KDM4B: variants seen among roughly 807,000 people sequenced by gnomAD.
KDM4B encodes lysine demethylase 4B, also known as lysine-specific demethylase 4B.
In KDM4B, 32 loss-of-function variants were observed where a neutral mutation model predicts 125.2. The ratio of observed to expected loss-of-function variants is 0.26; its 90% CI spans 0.19 to 0.34. KDM4B has a LOEUF of 0.34. KDM4B is among the 10% of genes least tolerant of loss of function. The probability of loss-of-function intolerance (pLI) is 1.00; values close to 1 mark genes in which losing one functional copy is unlikely to be tolerated. For synonymous variants in KDM4B, 721 were observed against 677.9 expected (o/e 1.06, Z -0.99); for missense variants, 1,190 against 1,577.7 (o/e 0.75, Z 4.16).
chr19:5,069,654 C>T (rs1472693969), intron 6 of KDM4B, among the ~76,000 whole-genome samples: 1 of 152,086 alleles, frequency 6.6e-6, no homozygotes, highest in African/African-American at 2.4e-5. Flanking sequence ...CACTCTCTCG[C>T]CCAGGCTGGA....
At chr19:5,039,738 G>A in intron 3 of KDM4B, 98 bp from the exon 4 acceptor site, 1 of 1,366,602 alleles carries the variant, frequency 7.3e-7, no homozygotes, top group South Asian at 1.3e-5. Context: ...TGCAGATCTT[G>A]GGGGGTGCTG....
At chr19:5,039,724 G>A (rs368253544) in intron 3 of KDM4B, 112 bp from the exon 4 acceptor site, 24 of 1,229,528 alleles carry the variant, frequency 2.0e-5, no homozygotes, top group Middle Eastern at 1.9e-4. Flanking sequence ...GGGGTGTCCC[G>A]AGGTGCAGAT....
At chr19:5,131,807 C>T (rs555255062) in intron 12 of KDM4B, 80 bp from the exon 13 acceptor site, 41 of 1,575,016 alleles carry the variant, frequency 2.6e-5, no homozygotes, top group African/African-American at 8.1e-5. Flanking sequence ...TCAGGCACGC[C>T]GAGCCCCTGT....
chr19:5,110,397 G>C (rs560661176), intron 9 of KDM4B, among the ~76,000 whole-genome samples: 51 of 151,588 alleles, frequency 3.4e-4, no homozygotes, highest in African/African-American at 1.2e-3. Context: ...GCTTGAGCCT[G>C]AGAGGTCGAG....
At chr19:4,993,671 T>TG (rs1056379965) in intron 1 of KDM4B, among the ~76,000 whole-genome samples, 1 of 152,052 alleles carries the variant, frequency 6.6e-6, no homozygotes, top group Admixed American at 6.6e-5. Context: ...AGTGCAGTGT[T>TG]GCGATCATGG....
chr19:5,032,994 T>C lies in KDM4B; in HGVS notation c.104T>C (p.Ile35Thr). 1.2e-6 allele frequency: 2 copies of C among 1,613,918 alleles called. No homozygotes were observed. Among genetic ancestry groups the C allele is most frequent in the Non-Finnish European group, 1.7e-6 (2 of 1,179,970 alleles). Residue 35 changes from isoleucine to threonine, a missense_variant, in exon 3 of 23, where the codon ATA becomes ACA. By Grantham distance (89) the Ile-to-Thr change is moderately conservative (BLOSUM62 -1). This residue lies in a region of KDM4B where 139 missense variants were observed against 248.3 expected (regional missense o/e 0.56). Transcript: ENST00000159111. The part of the protein sequence containing the change: ...FKDFNKYVAY[I>T]ESQGAHRAGL... Reference sequence around the variant, plus strand: ...GACTTCAACAAATACGTGGCCTACATAGAGTCGCAGGGAGCCCACCGGGCG... The same window carrying C: ...GACTTCAACAAATACGTGGCCTACACAGAGTCGCAGGGAGCCCACCGGGCG...
At position 5,152,295 on chromosome 19, in the gene KDM4B, G is replaced by A. The variant is rs1454735073; in HGVS notation, c.*784G>A. 1 of 152,296 alleles carries A rather than the reference G, an allele frequency of 6.6e-6. No individual in the cohort carries two copies. The highest frequency in any genetic ancestry group is 1.5e-5 in the Non-Finnish European group (1 of 68,080). The allele number at this position is 152,296 out of a possible 1,614,324, so 9.4% of individuals were successfully genotyped here. The stretch of plus-strand genomic sequence containing the variant: ...GCACCTGGCCAGGGGAAGCCCGGGG[G>A]TCTGGGGCCTCCCTCCGTCTGCGCC... On this transcript the variant is annotated 3_prime_UTR_variant, in exon 23 of 23. Coordinates refer to ENST00000159111, the MANE Select transcript of KDM4B (RefSeq NM_015015.3).
intron 7 of KDM4B, chr19:5,076,135 C>T (rs11878832): frequency 0.19 from 9,925 of 53,200 alleles, 641 homozygotes; most frequent in African/African-American, 0.27. Context: ...TCTCGTTGAC[C>T]GAGTGACGAG....
At chr19:5,139,570 C>T (rs896726591) in intron 18 of KDM4B, among the ~76,000 whole-genome samples, 14 of 152,346 alleles carry the variant, frequency 9.2e-5, no homozygotes, top group East Asian at 3.9e-4. Context: ...CCCTTCCCCT[C>T]GTCCTCACTC....
intron 18 of KDM4B, among the ~76,000 whole-genome samples, chr19:5,138,920 C>T (rs537647228): frequency 3.9e-5 from 6 of 152,296 alleles, no homozygotes; most frequent in African/African-American, 7.2e-5. Context: ...TATTCTTCTG[C>T]GACCGGCTTC....
intron 9 of KDM4B, among the ~76,000 whole-genome samples, chr19:5,103,388 G>A (rs1599190942): frequency 6.6e-6 from 1 of 152,232 alleles, no homozygotes; most frequent in Non-Finnish European, 1.5e-5. Context: ...TGCATAACCG[G>A]AGGCAAACCA....
intron 9 of KDM4B, among the ~76,000 whole-genome samples, chr19:5,089,369 A>G (rs2038614699): frequency 6.6e-6 from 1 of 152,106 alleles, no homozygotes; most frequent in Admixed American, 6.5e-5. Flanking sequence ...ATGTCTAGGG[A>G]TATCTGTAGC....
intron 6 of KDM4B, among the ~76,000 whole-genome samples, chr19:5,053,837 C>G (rs1240830276): frequency 1.3e-5 from 2 of 152,270 alleles, no homozygotes; most frequent in Admixed American, 6.5e-5. Flanking sequence ...CAGCAGCGCT[C>G]AGCACCAGCC....
intron 18 of KDM4B, among the ~76,000 whole-genome samples, chr19:5,139,559 C>T (rs977580832): frequency 1.3e-5 from 2 of 152,226 alleles, no homozygotes; most frequent in Admixed American, 1.3e-4. Flanking sequence ...GCAGGGCTTT[C>T]CCCTTCCCCT....
chr19:5,076,438 C>A (rs150033971), intron 7 of KDM4B: 251 of 21,332 alleles, frequency 0.012, 3 homozygotes, highest in Non-Finnish European at 0.017. Context: ...GTGACGAGAG[C>A]GGCCACACTG....
intron 1 of KDM4B, among the ~76,000 whole-genome samples, chr19:4,992,908 A>T (rs1030537721): frequency 6.6e-6 from 1 of 152,148 alleles, no homozygotes; most frequent in South Asian, 2.1e-4. Context: ...TTGATTTCTA[A>T]TTTCCATTGT....
At chr19:5,146,109 C>T (rs2039838953) in intron 21 of KDM4B, among the ~76,000 whole-genome samples, 1 of 147,984 alleles carries the variant, frequency 6.8e-6, no homozygotes, top group African/African-American at 2.5e-5. Flanking sequence ...GACCCCCACC[C>T]CCGGCCGTGC....
At chr19:5,138,408 G>T (rs570623963) in intron 18 of KDM4B, 2 of 300,516 alleles carry the variant, frequency 6.7e-6, no homozygotes, top group East Asian at 8.0e-5. Flanking sequence ...CACGTGCCCC[G>T]ACACAACCGG....
intron 9 of KDM4B, among the ~76,000 whole-genome samples, chr19:5,104,369 G>A (rs566823768): frequency 6.6e-6 from 1 of 152,332 alleles, no homozygotes; most frequent in African/African-American, 2.4e-5. Context: ...TTAATTCAGA[G>A]CCTATAATAG....
Sources: allele counts gnomAD v4.1 joint callset (sites outside exome capture counted in the v4.1 genomes callset), GRCh38; gene constraint gnomAD v4.1.1; regional missense constraint gnomAD v4.1.1; transcripts MANE v1.5; gene names NCBI Gene and HGNC (gene_info 2026-07-23, HGNC 2026-07-21).